The following GABRB1 variants were observed in gnomAD, a reference collection of about 807,000 sequenced individuals.
GABRB1 encodes the protein gamma-aminobutyric acid type A receptor subunit beta1, also known as gamma-aminobutyric acid receptor subunit beta-1.
A neutral mutation model predicts 51.6 loss-of-function variants in GABRB1; 17 were observed. The observed-to-expected ratio is 0.33, with a 90% CI of 0.23 to 0.49. The LOEUF is 0.49. Ranked by LOEUF, GABRB1 falls within the 20% of genes least tolerant of loss-of-function variation. The pLI is 0.99. For synonymous variants in GABRB1, 247 were observed against 218.9 expected, an observed-to-expected ratio of 1.13 and a Z score of -1.14; for missense variants, 410 against 600.6, an observed-to-expected ratio of 0.68 and a Z score of 3.32.
chr4:47,348,237 T>C (rs1246622189), intron 5 of GABRB1, among the ~76,000 whole-genome samples: 1 of 152,220 alleles, frequency 6.6e-6, no homozygotes, highest in East Asian at 1.9e-4. Flanking sequence ...GAACACATTA[T>C]TTTTAATTGT....
At chr4:47,026,241 G>C (rs1402662367) in intron 1 of GABRB1, among the ~76,000 whole-genome samples, 1 of 151,984 alleles carries the variant, frequency 6.6e-6, no homozygotes, top group East Asian at 1.9e-4. Context: ...TGCCCCAACA[G>C]TTTGTATCAC....
At chr4:47,185,015 A>T (rs1719114221) in intron 4 of GABRB1, among the ~76,000 whole-genome samples, 1 of 151,846 alleles carries the variant, frequency 6.6e-6, no homozygotes, top group African/African-American at 2.4e-5. Flanking sequence ...AGGCCTTCCC[A>T]CAGCCACATA....
intron 3 of GABRB1, chr4:47,043,012 G>A (rs1268917874): frequency 6.6e-6 from 1 of 152,022 alleles, no homozygotes; most frequent in Non-Finnish European, 1.5e-5. Flanking sequence ...AAATGGTGGT[G>A]AAATTTTCTT....
At chr4:47,224,674 C>T (rs73247677) in intron 4 of GABRB1, among the ~76,000 whole-genome samples, 17,600 of 152,040 alleles carry the variant, frequency 0.12, 1,262 homozygotes, top group Non-Finnish European at 0.15. Context: ...CCAGGACAGA[C>T]ATGGAAGGCC....
At chr4:47,241,704 C>T (rs771577589) in intron 4 of GABRB1, among the ~76,000 whole-genome samples, 1 of 152,040 alleles carries the variant, frequency 6.6e-6, no homozygotes, top group Non-Finnish European at 1.5e-5. Flanking sequence ...ACCTTTTCAG[C>T]CTATGGAATG....
intron 1 of GABRB1, among the ~76,000 whole-genome samples, chr4:47,002,277 A>T (rs1307008775): frequency 6.6e-6 from 1 of 152,210 alleles, no homozygotes; most frequent in Non-Finnish European, 1.5e-5. Context: ...CTTTGGGTAA[A>T]AAAGTAGTGA....
rs1048156181 is a variant in GABRB1, at chr4:47,157,182, C to A, written c.241-4067C>A. On this transcript the variant is annotated intron_variant, in intron 3 of 8. Coordinates refer to ENST00000295454, the MANE Select transcript of GABRB1 (RefSeq NM_000812.4). ...TGGCCCACAGTTTCTAAATATGTCA[C>A]ACTTTCTCTCAAGAAATAGCTTGCA... 2.7e-5 allele frequency among the ~76,000 whole-genome samples: 4 copies of A among 150,000 alleles called. No individual in the cohort carries two copies. The South Asian group carries it at 8.9e-4, about 33-fold the overall frequency.
chr4:47,426,032 G>A lies in GABRB1; in HGVS notation c.*14G>A. On this transcript the variant is annotated 3_prime_UTR_variant, in exon 9 of 9. Transcript: ENST00000295454. ...TATGTACACTGAGGTCTGTTCTAATGGTTCCATTTAGACTACTTTCCTCTT... is the reference window on the plus strand; with the variant it reads ...TATGTACACTGAGGTCTGTTCTAATAGTTCCATTTAGACTACTTTCCTCTT... 1.3e-6 allele frequency: 2 copies of A among 1,531,644 alleles called. No individual in the cohort carries two copies. Among genetic ancestry groups the A allele is most frequent in the Non-Finnish European group, 1.8e-6 (2 of 1,135,212 alleles). 94.9% of individuals were successfully genotyped at this position (1,531,644 alleles called of 1,614,324 possible). A position where few individuals can be genotyped will look rare whatever the true frequency, so the allele number is the denominator to read the frequency against.
chr4:47,218,555 T>C (rs1004612046), intron 4 of GABRB1, among the ~76,000 whole-genome samples: 3 of 151,938 alleles, frequency 2.0e-5, no homozygotes, highest in Non-Finnish European at 4.4e-5. Context: ...TATCTCATTG[T>C]GGATTTAATT....
intron 3 of GABRB1, among the ~76,000 whole-genome samples, chr4:47,121,272 T>C (rs1715763344): frequency 6.6e-6 from 1 of 152,138 alleles, no homozygotes; most frequent in African/African-American, 2.4e-5. Flanking sequence ...AGCCCCACAA[T>C]TGCTGTGCTT....
At chr4:47,113,786 T>G (rs917435419) in intron 3 of GABRB1, among the ~76,000 whole-genome samples, 5 of 152,254 alleles carry the variant, frequency 3.3e-5, no homozygotes, top group African/African-American at 1.2e-4. Context: ...GTTTCACCAA[T>G]AAATCCAAAT....
chr4:47,403,212 T>C, intron 5 of GABRB1, 106 bp from the exon 6 acceptor site: 1 of 1,256,978 alleles, frequency 8.0e-7, no homozygotes, highest in Non-Finnish European at 1.1e-6. Context: ...TTTAAAGCAA[T>C]GCCACCTTAC....
chr4:47,160,606 A>T (rs1056014234), intron 3 of GABRB1, among the ~76,000 whole-genome samples: 1 of 152,086 alleles, frequency 6.6e-6, no homozygotes, highest in Non-Finnish European at 1.5e-5. Context: ...ATGTTTGTGA[A>T]CATAGATTCC....
intron 3 of GABRB1, among the ~76,000 whole-genome samples, chr4:47,041,635 T>G (rs1725840764): frequency 6.6e-6 from 1 of 152,146 alleles, no homozygotes; most frequent in Admixed American, 6.6e-5. Context: ...GAAACAGATT[T>G]GTCGAAAGCT....
chr4:47,032,917 G>A (rs1437747217), intron 3 of GABRB1: 5 of 359,886 alleles, frequency 1.4e-5, no homozygotes, highest in Non-Finnish European at 2.8e-5. Flanking sequence ...CGCAGTCCGC[G>A]AGCCCGGATG....
At chr4:47,151,761 G>C (rs1717468651) in intron 3 of GABRB1, among the ~76,000 whole-genome samples, 1 of 151,968 alleles carries the variant, frequency 6.6e-6, no homozygotes, top group African/African-American at 2.4e-5. Context: ...TTAAAAATGT[G>C]AGTGAAGTTT....
rs1455729676 is a variant in GABRB1 at position 47,426,022 on chromosome 4, C to G, written c.*4C>G. 13 of 1,570,360 alleles carry G rather than the reference C, an allele frequency of 8.3e-6. No homozygotes were observed. Among genetic ancestry groups the G allele is most frequent in the Non-Finnish European group, 1.1e-5 (13 of 1,155,132 alleles). ...TTGGCTTTACTATGTACACTGAGGTCTGTTCTAATGGTTCCATTTAGACTA... is the reference window on the plus strand; with the variant it reads ...TTGGCTTTACTATGTACACTGAGGTGTGTTCTAATGGTTCCATTTAGACTA... On this transcript the variant is annotated 3_prime_UTR_variant, in exon 9 of 9. Transcript: ENST00000295454.
chr4:47,196,256 G>A (rs956162821), intron 4 of GABRB1, among the ~76,000 whole-genome samples: 23 of 152,192 alleles, frequency 1.5e-4, no homozygotes, highest in Admixed American at 1.4e-3. Context: ...ATTCTTGTAG[G>A]CTGGGATATA....
chr4:47,312,314 T>C (rs1056979260), intron 4 of GABRB1, among the ~76,000 whole-genome samples: 1 of 152,124 alleles, frequency 6.6e-6, no homozygotes. Flanking sequence ...CACCTTCAAA[T>C]ACCAATGTAT....
Sources: gnomAD v4.1 joint callset for allele counts (sites outside exome capture counted in the v4.1 genomes callset) on GRCh38, gnomAD v4.1.1 for gene constraint, MANE v1.5 for transcripts, NCBI Gene and HGNC (gene_info 2026-07-23, HGNC 2026-07-21) for gene names.